Variants in DNAH7 observed in about 807,000 individuals in gnomAD.
DNAH7 encodes axonemal beta dynein heavy chain 7.
DNAH7 carries 397 observed loss-of-function variants against 444.6 expected under a neutral mutation model. The observed-to-expected ratio is 0.89, with a 90% confidence interval of 0.82 to 0.97. The LOEUF is 0.97. Among genes scored for constraint, DNAH7 ranks in the 50% least tolerant of loss-of-function variants. DNAH7 has a pLI of 0.00. For missense variants in DNAH7, 4,902 were observed against 4,800.8 expected (o/e 1.02, Z -0.62); for synonymous variants, 1,636 against 1,624.4 (o/e 1.01, Z -0.17).
intron 6 of DNAH7, among the ~76,000 whole-genome samples, chr2:196,027,589 T>C (rs1695770175): frequency 6.6e-6 from 1 of 152,082 alleles, no homozygotes; most frequent in Non-Finnish European, 1.5e-5. Context: ...AAAATTATTA[T>C]GTATTTAAAT....
At position 195,798,557 on chromosome 2, in the gene DNAH7, TTC is replaced by T. The variant is rs1491530455; in HGVS notation, c.10353+737_10353+738del. On this transcript the variant is annotated intron_variant, in intron 55 of 64. Transcript: ENST00000312428. ...GTAGAATTTTTTTTTTTTTTTTTTT[TTC>T]TTGAGATGGAGTCTCACTCTGTCGC... 8.8e-3 allele frequency among the ~76,000 whole-genome samples: 1,025 copies of T among 116,674 alleles called. 48 individuals are homozygous for T. The highest frequency in any genetic ancestry group is 0.027 in the East Asian group (119 of 4,428). The allele number at this position is 116,674 out of a possible 152,430, so 76.5% of individuals were successfully genotyped here.
At chr2:195,958,802 A>C (rs1690876133) in intron 18 of DNAH7, among the ~76,000 whole-genome samples, 1 of 152,194 alleles carries the variant, frequency 6.6e-6, no homozygotes, top group Non-Finnish European at 1.5e-5. Context: ...GGTAAGGTCC[A>C]TTGTAACATC....
rs1700180224 is a variant in DNAH7, at chr2:195,864,137, A to C, written c.7506+12T>G. 1 of 1,607,768 alleles carries C rather than the reference A, an allele frequency of 6.2e-7. No homozygotes were observed. On this transcript the variant is annotated intron_variant, in intron 41 of 64. Coordinates refer to ENST00000312428, the MANE Select transcript of DNAH7 (RefSeq NM_018897.3). ...ATTTCTAGAAGTCTATCTAAAATGTACATGACAATACCTGAAACCAGTCAA... is the reference window on the plus strand; with the variant it reads ...ATTTCTAGAAGTCTATCTAAAATGTCCATGACAATACCTGAAACCAGTCAA...
chr2:195,893,010 A>C (rs896981548), intron 30 of DNAH7: 12 of 145,292 alleles, frequency 8.3e-5, no homozygotes, highest in Admixed American at 1.4e-4. Flanking sequence ...GCAGTGGCAC[A>C]ATCTCGGCTC....
rs776166120 is a variant in DNAH7 at position 195,777,848 on chromosome 2, G to A, written c.11016C>T (p.Asp3672=). ...FFNPELVENS[D]YKFDSSGIYF... is the part of the protein sequence containing the mutation. ...AGATGCCACTTGAGTCGAACTTATA[G>A]TCTGAATTTTCAACTAATTCGGGAT... The change falls in exon 59 of 65, where the codon GAC becomes GAT. Residue 3672 remains aspartate (D), a synonymous_variant. Coordinates refer to ENST00000312428, the MANE Select transcript of DNAH7 (RefSeq NM_018897.3). 9 of 1,613,962 alleles carry A rather than the reference G, an allele frequency of 5.6e-6. No homozygotes were observed. Among genetic ancestry groups the A allele is most frequent in the Non-Finnish European group, 2.5e-6 (3 of 1,179,954 alleles).
At position 195,970,163 on chromosome 2, in the gene DNAH7, T is replaced by C. The variant is rs116542757; in HGVS notation, c.2059-69A>G. The C allele has an allele frequency of 3.3e-3, 4,624 of 1,392,564 alleles. 118 individuals carry two copies. In the African/African-American group the frequency reaches 0.059, roughly 18 times the overall value. 86.3% of individuals were successfully genotyped at this position (1,392,564 alleles called of 1,614,324 possible). ...CCCTTGCTGTCAAAAAATTTTAACA[T>C]TGTAGGAGTTATCAGAATTATTATT... is the stretch of plus-strand genomic sequence containing the variant. On this transcript the variant is annotated intron_variant, in intron 16 of 64. Coordinates refer to ENST00000312428, the MANE Select transcript of DNAH7 (RefSeq NM_018897.3).
chr2:195,923,638 T>C lies in DNAH7; in HGVS notation c.3782A>G (p.Asp1261Gly). The change falls in exon 23 of 65, where the codon GAC becomes GGC. Residue 1261 changes from aspartate (D) to glycine (G), a missense_variant. Coordinates refer to ENST00000312428, the MANE Select transcript of DNAH7 (RefSeq NM_018897.3). Reference protein sequence around the residue: ...SSLVKKNISDDSDFEWLSQLR... With the variant: ...SSLVKKNISDGSDFEWLSQLR... ...CTGACTTAACCATTCAAAGTCAGAG[T>C]CATCGCTAATATTTTTTTTTACAAG... 1.2e-6 allele frequency: 2 copies of C among 1,614,036 alleles called. No individual in the cohort carries two copies. The highest frequency in any genetic ancestry group is 1.1e-5 in the South Asian group (1 of 91,070).
chr2:195,943,718 T>C (rs1689618116), intron 19 of DNAH7, among the ~76,000 whole-genome samples: 1 of 152,186 alleles, frequency 6.6e-6, no homozygotes, highest in Admixed American at 6.6e-5. Flanking sequence ...CCCAGTTTGA[T>C]GAAGATAGTT....
chr2:196,011,469 G>T (rs564417182), intron 10 of DNAH7, among the ~76,000 whole-genome samples: 1 of 151,728 alleles, frequency 6.6e-6, no homozygotes, highest in South Asian at 2.1e-4. Flanking sequence ...AAGATAAATG[G>T]AAGAAGAACT....
At chr2:195,826,041 AAT>A (rs1438755562) in intron 48 of DNAH7, among the ~76,000 whole-genome samples, 11 of 152,218 alleles carry the variant, frequency 7.2e-5, no homozygotes, top group Non-Finnish European at 2.9e-5. Context: ...TAATGTATTA[AAT>A]ATGTTAATTT....
At chr2:196,014,514 C>T (rs755726590) in intron 9 of DNAH7, among the ~76,000 whole-genome samples, 2 of 152,100 alleles carry the variant, frequency 1.3e-5, no homozygotes, top group Non-Finnish European at 1.5e-5. Context: ...ACATATCCCT[C>T]CTGCCCTCAC....
intron 33 of DNAH7, among the ~76,000 whole-genome samples, chr2:195,887,262 G>GA (rs576620346): frequency 8.3e-4 from 126 of 151,478 alleles, no homozygotes; most frequent in Non-Finnish European, 1.5e-3. Context: ...GACAATGCTG[G>GA]AAAAAAAACC....
chr2:195,956,536 A>G (rs147249931), intron 19 of DNAH7, among the ~76,000 whole-genome samples: 249 of 152,030 alleles, frequency 1.6e-3, no homozygotes, highest in African/African-American at 5.8e-3. Flanking sequence ...CTGTAATCTC[A>G]GTTACTTGGG....
At position 196,000,690 on chromosome 2, in the gene DNAH7, T is replaced by G; in HGVS notation, c.1353+14A>C. On this transcript the variant is annotated intron_variant, in intron 12 of 64. Transcript: ENST00000312428. The stretch of plus-strand genomic sequence containing the variant: ...TATGCAAATTCAAGCAATCTTAATA[T>G]CCTTGTTACTTACCCACTTGGAATA... 1 of 1,506,762 alleles carries G rather than the reference T, an allele frequency of 6.6e-7. No homozygotes were observed. The highest frequency in any genetic ancestry group is 8.9e-7 in the Non-Finnish European group (1 of 1,124,428). 93.3% of individuals were successfully genotyped at this position (1,506,762 alleles called of 1,614,324 possible). A position where few individuals can be genotyped will look rare whatever the true frequency, so the allele number is the denominator to read the frequency against.
intron 51 of DNAH7, 40 bp from the exon 52 acceptor site, chr2:195,809,911 T>A: frequency 7.0e-7 from 1 of 1,432,188 alleles, no homozygotes; most frequent in Non-Finnish European, 9.2e-7. Context: ...AATAAAAATA[T>A]ACTTTAAAGA....
intron 19 of DNAH7, among the ~76,000 whole-genome samples, chr2:195,938,218 C>T (rs1689181175): frequency 2.0e-5 from 3 of 152,078 alleles, no homozygotes; most frequent in Admixed American, 1.3e-4. Flanking sequence ...ATTATCATTA[C>T]TTGTTTCCTC....
chr2:195,760,363 A>C (rs1694292492), intron 61 of DNAH7, among the ~76,000 whole-genome samples: 1 of 152,148 alleles, frequency 6.6e-6, no homozygotes, highest in South Asian at 2.1e-4. Flanking sequence ...CTGTGAAGGG[A>C]AGGACATAAG....
At chr2:195,748,346 A>T (rs1693556907) in intron 63 of DNAH7, among the ~76,000 whole-genome samples, 1 of 152,234 alleles carries the variant, frequency 6.6e-6, no homozygotes, top group African/African-American at 2.4e-5. Context: ...GGATATAAAC[A>T]AATGGAAGAA....
intron 57 of DNAH7, among the ~76,000 whole-genome samples, chr2:195,789,189 C>G (rs1244776768): frequency 6.6e-6 from 1 of 151,456 alleles, no homozygotes; most frequent in Non-Finnish European, 1.5e-5. Flanking sequence ...TAATATGGAA[C>G]CTATACCAAG....
Sources: allele counts gnomAD v4.1 joint callset (sites outside exome capture counted in the v4.1 genomes callset), GRCh38; gene constraint gnomAD v4.1.1; transcripts MANE v1.5; gene names NCBI Gene and HGNC (gene_info 2026-07-23, HGNC 2026-07-21).